The following IGF1R variants were observed in gnomAD, a reference collection of about 807,000 sequenced individuals.
The protein encoded by IGF1R is insulin-like growth factor 1 receptor.
A neutral mutation model predicts 144.6 loss-of-function variants in IGF1R; 44 were observed. That is an observed-to-expected ratio of 0.30 (90% CI 0.24 to 0.39). The LOEUF is 0.39. IGF1R is among the 10% of genes least tolerant of loss of function. IGF1R has a pLI of 1.00. For synonymous variants in IGF1R, 795 were observed against 722.8 expected, an observed-to-expected ratio of 1.10 and a Z score of -1.60; for missense variants, 1,355 against 1,833.7, an observed-to-expected ratio of 0.74 and a Z score of 4.77.
chr15:98,719,033 G>A (rs2054186588), intron 2 of IGF1R, among the ~76,000 whole-genome samples: 1 of 152,184 alleles, frequency 6.6e-6, no homozygotes, highest in South Asian at 2.1e-4. Context: ...ATATTATTAG[G>A]TGCTTAGACT....
intron 4 of IGF1R, among the ~76,000 whole-genome samples, chr15:98,898,360 G>T (rs1237999117): frequency 6.6e-6 from 1 of 152,202 alleles, no homozygotes; most frequent in African/African-American, 2.4e-5. Context: ...GCATGATGAT[G>T]AAATGTGTCT....
chr15:98,726,712 ATTTTTTTTTTTT>A (rs756622481), intron 2 of IGF1R, among the ~76,000 whole-genome samples: 1 of 93,108 alleles, frequency 1.1e-5, no homozygotes, highest in Non-Finnish European at 2.1e-5. Flanking sequence ...TACATTGATG[ATTTTTTTTTTTT>A]TTTTTTTTTT....
chr15:98,655,740 G>A (rs78636189), intron 1 of IGF1R, among the ~76,000 whole-genome samples: 5 of 98,214 alleles, frequency 5.1e-5, no homozygotes, highest in Non-Finnish European at 8.1e-5. Flanking sequence ...TTTTTTTTTT[G>A]AGACAGGGTC....
chr15:98,805,999 C>T (rs761724498), intron 2 of IGF1R, among the ~76,000 whole-genome samples: 24 of 152,138 alleles, frequency 1.6e-4, no homozygotes, highest in Non-Finnish European at 3.1e-4. Context: ...GTATGGGGTG[C>T]CCACACTTCT....
At chr15:98,667,896 G>T (rs1157089192) in intron 1 of IGF1R, among the ~76,000 whole-genome samples, 2 of 152,020 alleles carry the variant, frequency 1.3e-5, no homozygotes, top group Admixed American at 6.6e-5. Context: ...CAGGCAGGAG[G>T]TGGTGTCAGA....
chr15:98,666,390 A>G (rs2052738981), intron 1 of IGF1R, among the ~76,000 whole-genome samples: 1 of 152,176 alleles, frequency 6.6e-6, no homozygotes, highest in Non-Finnish European at 1.5e-5. Context: ...TATATGCCCA[A>G]AAAGAAGTGA....
chr15:98,758,542 G>A (rs1252045837), intron 2 of IGF1R, among the ~76,000 whole-genome samples: 6 of 152,162 alleles, frequency 3.9e-5, no homozygotes, highest in East Asian at 3.8e-4. Flanking sequence ...AGTCTCTTCC[G>A]ACAACATAAG....
intron 2 of IGF1R, among the ~76,000 whole-genome samples, chr15:98,771,682 T>C (rs931095721): frequency 1.1e-4 from 16 of 152,174 alleles, no homozygotes; most frequent in Admixed American, 3.3e-4. Context: ...AGCTCACTTA[T>C]GAATAACAAC....
chr15:98,816,089 C>T (rs2056691296), intron 2 of IGF1R, among the ~76,000 whole-genome samples: 1 of 152,156 alleles, frequency 6.6e-6, no homozygotes, highest in South Asian at 2.1e-4. Context: ...CCCAGCCACC[C>T]TACTTTCCCA....
At chr15:98,773,146 C>G (rs1425146004) in intron 2 of IGF1R, among the ~76,000 whole-genome samples, 1 of 152,062 alleles carries the variant, frequency 6.6e-6, no homozygotes, top group Non-Finnish European at 1.5e-5. Context: ...GGTTACTGTA[C>G]TCAGTTCTTT....
rs772900938 is a variant in IGF1R, at chr15:98,760,349, C to CA, written c.640+52255dup. On this transcript the variant is annotated intron_variant, in intron 2 of 20. Coordinates refer to ENST00000650285, the MANE Select transcript of IGF1R (RefSeq NM_000875.5). ...CCTGAGCAACAGAGAGAGACTGCCTCAAAAAAAAAAAAATCCGTTTACATA... is the reference window on the plus strand; with the variant it reads ...CCTGAGCAACAGAGAGAGACTGCCTCAAAAAAAAAAAAAATCCGTTTACATA... Among the ~76,000 whole-genome samples the CA allele has an allele frequency of 6.2e-3, 783 of 125,524 alleles. 4 individuals carry two copies. Among genetic ancestry groups the CA allele is most frequent in the Admixed American group, 9.9e-3 (120 of 12,084 alleles). 82.3% of individuals were successfully genotyped at this position (125,524 alleles called of 152,430 possible).
intron 15 of IGF1R, among the ~76,000 whole-genome samples, chr15:98,932,544 G>C (rs1276791626): frequency 1.3e-5 from 2 of 152,196 alleles, no homozygotes; most frequent in Non-Finnish European, 2.9e-5. Context: ...CCCAGGGAAT[G>C]AATGTGATTG....
chr15:98,695,704 C>T (rs561178871), intron 1 of IGF1R, among the ~76,000 whole-genome samples: 1 of 152,176 alleles, frequency 6.6e-6, no homozygotes, highest in South Asian at 2.1e-4. Flanking sequence ...GCAGTCCAGT[C>T]GGGTTTCAAA....
At chr15:98,652,288 TAA>T (rs2052387955) in intron 1 of IGF1R, among the ~76,000 whole-genome samples, 1 of 152,258 alleles carries the variant, frequency 6.6e-6, no homozygotes, top group African/African-American at 2.4e-5. Context: ...GCATGCACTT[TAA>T]ATTTATTGTA....
chr15:98,820,019 C>T (rs1169365515), intron 2 of IGF1R, among the ~76,000 whole-genome samples: 1 of 152,060 alleles, frequency 6.6e-6, no homozygotes, highest in African/African-American at 2.4e-5. Flanking sequence ...CTCATAGACC[C>T]CCTGAAAAAG....
Position 98,788,052 on chromosome 15 carries a change from C to CTGTGTG in IGF1R, c.640+79946_640+79947insGTGTGT, listed in dbSNP as rs1167503156. Among the ~76,000 whole-genome samples the CTGTGTG allele has an allele frequency of 7.4e-3, 1,037 of 139,526 alleles. 14 individuals are homozygous for CTGTGTG. The highest frequency in any genetic ancestry group is 0.027 in the African/African-American group (933 of 35,186). The allele number at this position is 139,526 out of a possible 152,430, so 91.5% of individuals were successfully genotyped here. On this transcript the variant is annotated intron_variant, in intron 2 of 20. Coordinates refer to ENST00000650285, the MANE Select transcript of IGF1R (RefSeq NM_000875.5). ...GGTAGGGATCTCTCTCTCTCTCTCTCTCTCTCTCTCTGTGTGTGTGTGTGT... is the reference window on the plus strand; with the variant it reads ...GGTAGGGATCTCTCTCTCTCTCTCTCTGTGTGTCTCTCTCTCTGTGTGTGTGTGTGT...
chr15:98,811,173 T>TA (rs1356416366), intron 2 of IGF1R, among the ~76,000 whole-genome samples: 1 of 151,858 alleles, frequency 6.6e-6, no homozygotes, highest in Non-Finnish European at 1.5e-5. Context: ...TGGTGGCACA[T>TA]GCCTATAATA....
At chr15:98,857,695 G>A (rs1003281800) in intron 2 of IGF1R, among the ~76,000 whole-genome samples, 4 of 152,150 alleles carry the variant, frequency 2.6e-5, no homozygotes, top group African/African-American at 7.2e-5. Context: ...CTAGTGCTAC[G>A]GAGGAACTGG....
intron 1 of IGF1R, among the ~76,000 whole-genome samples, chr15:98,694,628 C>T (rs1333266415): frequency 1.3e-5 from 2 of 152,158 alleles, no homozygotes; most frequent in Non-Finnish European, 2.9e-5. Flanking sequence ...TCATGCTTGT[C>T]TGAGCTCTCC....
Sources: gnomAD v4.1 joint callset for allele counts (sites outside exome capture counted in the v4.1 genomes callset) on GRCh38, gnomAD v4.1.1 for gene constraint, MANE v1.5 for transcripts, NCBI Gene and HGNC (gene_info 2026-07-23, HGNC 2026-07-21) for gene names.